GPC1: variants seen among roughly 807,000 people sequenced by gnomAD.
GPC1 encodes the protein glypican-1.
Under a neutral mutation model 51.5 loss-of-function variants are expected in GPC1, and 26 were observed. The ratio of observed to expected loss-of-function variants is 0.50; its 90% CI spans 0.37 to 0.70. The LOEUF (loss-of-function observed/expected upper bound fraction) is 0.70. GPC1 is among the 30% of genes least tolerant of loss of function. The probability of loss-of-function intolerance (pLI) is 0.00; values close to 1 mark genes in which losing one functional copy is unlikely to be tolerated. For synonymous variants in GPC1, 380 were observed against 348.3 expected, an observed-to-expected ratio of 1.09 and a Z score of -1.01; for missense variants, 775 against 800.5, an observed-to-expected ratio of 0.97 and a Z score of 0.38.
rs577462540 is a variant in GPC1 at position 240,459,127 on chromosome 2, G to C, written c.264G>C (p.Ala88=). Residue 88 remains alanine, a synonymous_variant, in exon 2 of 9, where the codon GCG becomes GCC. Coordinates refer to ENST00000264039, the MANE Select transcript of GPC1 (RefSeq NM_002081.3). Reference sequence around the variant, plus strand: ...GCAGCCATGCCGAGCTGGAGACCGCGCTCCGGGACAGCAGCCGCGTCCTGC... The same window carrying C: ...GCAGCCATGCCGAGCTGGAGACCGCCCTCCGGGACAGCAGCCGCGTCCTGC... ...ANRSHAELET[A]LRDSSRVLQA... is the part of the protein sequence containing the mutation. 6.2e-6 allele frequency: 10 copies of C among 1,612,698 alleles called. No individual in the cohort carries two copies. Among genetic ancestry groups the C allele is most frequent in the Non-Finnish European group, 8.5e-6 (10 of 1,179,878 alleles).
rs1559204685 is a variant in GPC1 at position 240,466,272 on chromosome 2, C to T, written c.1659C>T (p.Ala553=). ...TCCTCTTCCTGGCCCTTACAGTAGC[C>T]AGGCCCCGGTGGCGGTAACTGCCCC... ...PLLLFLALTV[A]RPRWR The change falls in exon 9 of 9, where the codon GCC becomes GCT. Residue 553 remains alanine (A), a synonymous_variant. Coordinates refer to ENST00000264039, the MANE Select transcript of GPC1 (RefSeq NM_002081.3). 4 of 1,602,438 alleles carry T rather than the reference C, an allele frequency of 2.5e-6. No homozygotes were observed. Among genetic ancestry groups the T allele is most frequent in the Admixed American group, 3.3e-5 (2 of 59,918 alleles).
intron 1 of GPC1, chr2:240,449,944 A>G (rs1337363300): frequency 8.5e-6 from 4 of 468,910 alleles, no homozygotes; most frequent in South Asian, 1.5e-5. Flanking sequence ...TGTGGAAACA[A>G]TCTATTCGAC....
Position 240,448,603 on chromosome 2 carries a change from G to C in GPC1, c.167-10427G>C, listed in dbSNP as rs1444003714. ...ATTCCCACCTGCTCCAGGACCCGCA[G>C]GGCCCACAGGAGGTCGAGGTCGGAG... On this transcript the variant is annotated intron_variant, in intron 1 of 8. Transcript: ENST00000264039. This position sits in a 1 kb window ranked among gnomAD's most constrained non-coding sequence, Gnocchi z 4.5. 7.3e-6 allele frequency among the ~76,000 whole-genome samples: 1 copy of C among 137,488 alleles called. No homozygotes were observed. The highest frequency in any genetic ancestry group is 1.6e-5 in the Non-Finnish European group (1 of 62,308). 90.2% of individuals were successfully genotyped at this position (137,488 alleles called of 152,430 possible).
chr2:240,460,487 C>A (rs956293260), intron 2 of GPC1, among the ~76,000 whole-genome samples: 2 of 152,180 alleles, frequency 1.3e-5, no homozygotes, highest in African/African-American at 4.8e-5. Context: ...CCCAGCCCTG[C>A]CCCTTCCCCT....
At position 240,462,517 on chromosome 2, in the gene GPC1, G is replaced by T. The variant is rs368146643; in HGVS notation, c.652G>T (p.Val218Leu). 1.9e-6 allele frequency: 3 copies of T among 1,584,652 alleles called. No homozygotes were observed. Among genetic ancestry groups the T allele is most frequent in the Non-Finnish European group, 1.7e-6 (2 of 1,166,810 alleles). The change falls in exon 3 of 9, where the codon GTG becomes TTG. Residue 218 changes from valine to leucine, a missense_variant. Coordinates refer to ENST00000264039, the MANE Select transcript of GPC1 (RefSeq NM_002081.3). ...GCGCCTGCGGGCCACCCGTGCCTTC[G>T]TGGCTGCTCGCTCCTTTGTGCAGGG... ...ELRLRATRAFVAARSFVQGLG... is the reference protein window; with the variant it reads ...ELRLRATRAFLAARSFVQGLG...
At chr2:240,450,642 C>G in intron 1 of GPC1, 1 of 470,714 alleles carries the variant, frequency 2.1e-6, no homozygotes, top group Non-Finnish European at 4.4e-6. Context: ...GGGCGTGCCC[C>G]GTCGAGCCCC....
chr2:240,450,630 A>G (rs763592006), intron 1 of GPC1: 18 of 470,610 alleles, frequency 3.8e-5, no homozygotes, highest in Non-Finnish European at 7.9e-5. Flanking sequence ...CCTCCCATTC[A>G]GGGGCGTGCC....
At chr2:240,456,158 G>T in intron 1 of GPC1, 1 of 263,556 alleles carries the variant, frequency 3.8e-6, no homozygotes. Flanking sequence ...GGGGGAGGCT[G>T]AGGCGCGGGG....
chr2:240,453,895 A>ATC (rs1014826681), intron 1 of GPC1, among the ~76,000 whole-genome samples: 20 of 152,102 alleles, frequency 1.3e-4, no homozygotes, highest in Non-Finnish European at 2.9e-5. Flanking sequence ...TCGCCCTCGC[A>ATC]AGCAGCCGCG....
intron 1 of GPC1, among the ~76,000 whole-genome samples, chr2:240,454,624 G>C (rs565504721): frequency 6.6e-6 from 1 of 152,226 alleles, no homozygotes. Flanking sequence ...CTCCAGCACC[G>C]TGGGAGGCAA....
chr2:240,465,199 G>C lies in GPC1; in HGVS notation c.1257G>C (p.Met419Ile). 2 of 1,608,466 alleles carry C rather than the reference G, an allele frequency of 1.2e-6. No homozygotes were observed. The highest frequency in any genetic ancestry group is 1.7e-6 in the Non-Finnish European group (2 of 1,177,362). The stretch of plus-strand genomic sequence containing the variant: ...GTGATGACCGCTGCTGGAACGGGAT[G>C]GCCAGAGGCCGGTAGGTGCCCACCT... ...TASDDRCWNG[M>I]ARGRYLPEVM... Residue 419 changes from methionine (M) to isoleucine (I), a missense_variant, in exon 7 of 9, where the codon ATG (methionine) becomes ATC (isoleucine). By Grantham distance (10) the Met-to-Ile change is conservative. Transcript: ENST00000264039.
At chr2:240,445,922 G>A (rs1227372524) in intron 1 of GPC1, among the ~76,000 whole-genome samples, 1 of 152,200 alleles carries the variant, frequency 6.6e-6, no homozygotes, top group African/African-American at 2.4e-5. Flanking sequence ...CACGTGCGTT[G>A]CCACCTCACA....
chr2:240,440,752 T>A (rs2074012348), intron 1 of GPC1, among the ~76,000 whole-genome samples: 1 of 145,010 alleles, frequency 6.9e-6, no homozygotes, highest in African/African-American at 2.6e-5. Flanking sequence ...CAGCTCCTCC[T>A]GGCCTCCCTG....
intron 1 of GPC1, chr2:240,449,913 T>C: frequency 2.1e-6 from 1 of 470,558 alleles, no homozygotes; most frequent in Non-Finnish European, 4.4e-6. Flanking sequence ...CCTATTCCAT[T>C]GTATGCACCT....
At position 240,466,165 on chromosome 2, in the gene GPC1, C is replaced by G; in HGVS notation, c.1552C>G (p.Leu518Val). 1 of 1,612,846 alleles carries G rather than the reference C, an allele frequency of 6.2e-7. No individual in the cohort carries two copies. Among genetic ancestry groups the G allele is most frequent in the Non-Finnish European group, 8.5e-7 (1 of 1,179,452 alleles). ...CTCCCGGACGCCCTTGACCCATGCCCTCCCAGGCCTGTCAGAGCAGGAAGG... is the reference window on the plus strand; with the variant it reads ...CTCCCGGACGCCCTTGACCCATGCCGTCCCAGGCCTGTCAGAGCAGGAAGG... ...SSSRTPLTHALPGLSEQEGQK... is the reference protein window; with the variant it reads ...SSSRTPLTHAVPGLSEQEGQK... Residue 518 changes from leucine to valine, a missense_variant, in exon 9 of 9, where the codon CTC becomes GTC. Coordinates refer to ENST00000264039, the MANE Select transcript of GPC1 (RefSeq NM_002081.3).
Position 240,437,655 on chromosome 2 carries a change from C to G in GPC1, c.166+1571C>G, listed in dbSNP as rs1018287623. Among the ~76,000 whole-genome samples the G allele has an allele frequency of 2.0e-5, 3 of 152,316 alleles. No individual in the cohort carries two copies. The East Asian group carries it at 5.8e-4, about 29-fold the overall frequency. On this transcript the variant is annotated intron_variant, in intron 1 of 8. Coordinates refer to ENST00000264039, the MANE Select transcript of GPC1 (RefSeq NM_002081.3). ...TGGGTTCGTTCTCTGCCCCTCTACT[C>G]ACACATAAAGAGGCATCCCTGGCCT...
In GPC1 at chr2:240,466,211, G is replaced by A; in HGVS notation, c.1598G>A (p.Ser533Asn). 6.2e-7 allele frequency: 1 copy of A among 1,612,770 alleles called. No individual in the cohort carries two copies. ...GAAGGACAGAAGACCTCGGCTGCCA[G>A]CTGCCCCCAGCCCCCGACCTTCCTC... ...EQEGQKTSAA[S>N]CPQPPTFLLP... Residue 533 changes from serine (S) to asparagine (N), a missense_variant, in exon 9 of 9, where the codon AGC becomes AAC. Ser to Asn is a conservative substitution (Grantham distance 46, BLOSUM62 1). Coordinates refer to ENST00000264039, the MANE Select transcript of GPC1 (RefSeq NM_002081.3).
chr2:240,437,791 T>C (rs1376219886), intron 1 of GPC1, among the ~76,000 whole-genome samples: 1 of 152,192 alleles, frequency 6.6e-6, no homozygotes, highest in Non-Finnish European at 1.5e-5. Context: ...CCCCCAGCCC[T>C]TCTTAGCACC....
intron 4 of GPC1, 182 bp from the exon 5 acceptor site, chr2:240,464,434 T>C: frequency 1.4e-6 from 1 of 691,432 alleles, no homozygotes; most frequent in Non-Finnish European, 2.5e-6. Context: ...TGGGCCAAGC[T>C]GAGTGCACGT....
Sources: allele counts gnomAD v4.1 joint callset (sites outside exome capture counted in the v4.1 genomes callset), GRCh38; gene constraint gnomAD v4.1.1; non-coding constraint Gnocchi (gnomAD v3.1); transcripts MANE v1.5; gene names NCBI Gene and HGNC (gene_info 2026-07-23, HGNC 2026-07-21).